CPNE5: variants seen among roughly 807,000 people sequenced by gnomAD.
CPNE5 encodes copine 5, also known as copine-5.
Under a neutral mutation model 81.1 loss-of-function variants are expected in CPNE5, and 42 were observed. The observed-to-expected ratio is 0.52, with a 90% CI of 0.40 to 0.67. The LOEUF (loss-of-function observed/expected upper bound fraction) is 0.67. CPNE5 is among the 30% of genes least tolerant of loss of function. The probability of loss-of-function intolerance (pLI) is 0.00; values close to 1 mark genes in which losing one functional copy is unlikely to be tolerated. For synonymous variants in CPNE5, 313 were observed against 321.5 expected (o/e 0.97, Z 0.28); for missense variants, 612 against 815.5 (o/e 0.75, Z 3.04).
intron 1 of CPNE5, among the ~76,000 whole-genome samples, chr6:36,831,166 T>C (rs1199596861): frequency 1.3e-5 from 2 of 152,038 alleles, no homozygotes; most frequent in African/African-American, 4.8e-5. Flanking sequence ...GCTATTCTCC[T>C]GCCTCAGCCT....
chr6:36,827,606 C>T, intron 1 of CPNE5: 2 of 985,422 alleles, frequency 2.0e-6, no homozygotes, highest in Non-Finnish European at 2.4e-6. Flanking sequence ...ACAACACACA[C>T]ACGTGTAGCA....
chr6:36,797,453 G>T (rs1001694287), intron 6 of CPNE5, among the ~76,000 whole-genome samples: 2 of 152,204 alleles, frequency 1.3e-5, no homozygotes, highest in Non-Finnish European at 2.9e-5. Flanking sequence ...GGACACCAAA[G>T]AATGGTGACC....
chr6:36,820,613 C>A (rs940062403), intron 3 of CPNE5, among the ~76,000 whole-genome samples: 8 of 152,076 alleles, frequency 5.3e-5, no homozygotes, highest in Non-Finnish European at 8.8e-5. Flanking sequence ...AGATGAAAAT[C>A]TCTGCCCTTG....
chr6:36,756,131 A>G, intron 13 of CPNE5, 114 bp downstream of exon 13: 2 of 492,108 alleles, frequency 4.1e-6, no homozygotes, highest in African/African-American at 2.2e-5. Flanking sequence ...TGGATGTCTG[A>G]TTCCCACGCT....
chr6:36,828,308 CAAAAAAAAAAA>C (rs11444450), intron 1 of CPNE5, among the ~76,000 whole-genome samples: 19 of 78,650 alleles, frequency 2.4e-4, no homozygotes, highest in East Asian at 7.1e-4. Context: ...AACAACAAAC[CAAAAAAAAAAA>C]AAAAAAAAAA....
rs766748574 is a variant in CPNE5 at position 36,778,803 on chromosome 6, C to G, written c.632+51G>C. The G allele has an allele frequency of 9.3e-6, 12 of 1,290,514 alleles. No homozygotes were observed. The Middle Eastern group carries it at 5.6e-4, about 61-fold the overall frequency. 79.9% of individuals were successfully genotyped at this position (1,290,514 alleles called of 1,614,324 possible). A position where few individuals can be genotyped will look rare whatever the true frequency, so the allele number is the denominator to read the frequency against. ...GTCACCACCACCCGTCCGTCCTTGA[C>G]CCCAGAAGGGACGAGAAGGTGCAGT... On this transcript the variant is annotated intron_variant, in intron 9 of 20. Coordinates refer to ENST00000244751, the MANE Select transcript of CPNE5 (RefSeq NM_020939.2).
chr6:36,744,972 C>T (rs1178752526), intron 18 of CPNE5, 76 bp downstream of exon 18: 1 of 1,021,254 alleles, frequency 9.8e-7, no homozygotes, highest in Non-Finnish European at 1.5e-6. Context: ...AGGAGGTAGG[C>T]ACATCCCCAG....
At chr6:36,789,813 A>G (rs115728109) in intron 8 of CPNE5, among the ~76,000 whole-genome samples, 1,867 of 152,216 alleles carry the variant, frequency 0.012, 48 homozygotes, top group African/African-American at 0.043. Context: ...TGCCTACTGC[A>G]CCCCGAGTCC....
intron 10 of CPNE5, among the ~76,000 whole-genome samples, chr6:36,765,679 A>G (rs1766498089): frequency 6.6e-6 from 1 of 152,238 alleles, no homozygotes; most frequent in South Asian, 2.1e-4. Flanking sequence ...CAGAAGGGGC[A>G]TAAGCTCAGC....
rs534531075 is a variant in CPNE5, at chr6:36,797,221, G to T, written c.404+944C>A. ...GTGCCCGGTTCACACTGCAGTTATT[G>T]ATCATGGTGAGGGGACAGCGTCCAG... On this transcript the variant is annotated intron_variant, in intron 6 of 20. Transcript: ENST00000244751. Among the ~76,000 whole-genome samples the T allele has an allele frequency of 1.1e-4, 17 of 152,334 alleles. 1 individual carries two copies. The South Asian group carries it at 3.3e-3, about 30-fold the overall frequency.
At chr6:36,835,453 C>T (rs1232343271) in intron 1 of CPNE5, among the ~76,000 whole-genome samples, 1 of 152,120 alleles carries the variant, frequency 6.6e-6, no homozygotes, top group African/African-American at 2.4e-5. Flanking sequence ...CTACTGGTAT[C>T]TAGTTCCACA....
At chr6:36,748,111 G>T in intron 15 of CPNE5, 110 bp downstream of exon 15, 2 of 973,562 alleles carry the variant, frequency 2.1e-6, no homozygotes, top group Non-Finnish European at 3.3e-6. Context: ...CCTCTTTGGT[G>T]AGGAAGAGGC....
At chr6:36,817,410 T>G (rs1357177797) in intron 3 of CPNE5, among the ~76,000 whole-genome samples, 2 of 152,180 alleles carry the variant, frequency 1.3e-5, no homozygotes, top group Non-Finnish European at 2.9e-5. Context: ...TCTTCACTCC[T>G]GGAGTCTGGG....
Position 36,831,413 on chromosome 6 carries a change from G to T in CPNE5, c.95+7870C>A, listed in dbSNP as rs1772977545. ...CTGTCAACCAGGCTGGAGTGCAGTG[G>T]TACAATATCAGCTCACTGCAACCTC... On this transcript the variant is annotated intron_variant, in intron 1 of 20. Transcript: ENST00000244751. 2.0e-5 allele frequency among the ~76,000 whole-genome samples: 3 copies of T among 151,662 alleles called. 1 individual carries two copies. The South Asian group carries it at 6.2e-4, about 32-fold the overall frequency.
At chr6:36,745,641 G>T in intron 16 of CPNE5, 126 bp from the exon 17 acceptor site, 1 of 1,121,606 alleles carries the variant, frequency 8.9e-7, no homozygotes, top group Non-Finnish European at 1.2e-6. Flanking sequence ...CTGGTGTGGG[G>T]TGGCGGGGCA....
intron 3 of CPNE5, among the ~76,000 whole-genome samples, chr6:36,816,136 T>C (rs1228356132): frequency 6.6e-6 from 1 of 152,180 alleles, no homozygotes; most frequent in African/African-American, 2.4e-5. Flanking sequence ...CTTGAGAAGA[T>C]AAATAACTCA....
At chr6:36,799,104 T>C (rs1483770665) in intron 4 of CPNE5, among the ~76,000 whole-genome samples, 1 of 152,226 alleles carries the variant, frequency 6.6e-6, no homozygotes, top group African/African-American at 2.4e-5. Context: ...ACCTGGAGCC[T>C]CACCTGCAAC....
chr6:36,786,070 T>G (rs1768518552), intron 8 of CPNE5, among the ~76,000 whole-genome samples: 2 of 151,996 alleles, frequency 1.3e-5, no homozygotes, highest in Non-Finnish European at 1.5e-5. Flanking sequence ...TTTATTTTCT[T>G]CTCCTTAAAA....
rs1020628393 is a variant in CPNE5 at position 36,780,108 on chromosome 6, C to T, written c.529-1151G>A. On this transcript the variant is annotated intron_variant, in intron 8 of 20. Coordinates refer to ENST00000244751, the MANE Select transcript of CPNE5 (RefSeq NM_020939.2). ...CCTCCCGAGTAGCTGGGACTACAGG[C>T]GCCCGCCACCACACCTAGCTAATTT... Among the ~76,000 whole-genome samples, 8 of 152,160 alleles carry T rather than the reference C, an allele frequency of 5.3e-5. No individual in the cohort carries two copies. In the South Asian group the frequency reaches 6.2e-4, roughly 12 times the overall value.
Sources: allele counts gnomAD v4.1 joint callset (sites outside exome capture counted in the v4.1 genomes callset), GRCh38; gene constraint gnomAD v4.1.1; transcripts MANE v1.5; gene names NCBI Gene and HGNC (gene_info 2026-07-23, HGNC 2026-07-21).